Variants in ADGRB3 observed in about 807,000 individuals in gnomAD.
The protein encoded by ADGRB3 is adhesion G protein-coupled receptor B3.
Under a neutral mutation model 193.4 loss-of-function variants are expected in ADGRB3, and 37 were observed. The observed-to-expected ratio is 0.19, with a 90% CI of 0.15 to 0.25. The LOEUF (loss-of-function observed/expected upper bound fraction) is 0.25, where lower values mean the gene tolerates loss of function less well. ADGRB3 is among the 10% of genes least tolerant of loss of function. ADGRB3 has a pLI of 1.00. For synonymous variants in ADGRB3, 690 were observed against 644.2 expected (o/e 1.07, Z -1.08); for missense variants, 1,637 against 1,852.9 (o/e 0.88, Z 2.14).
At chr6:68,772,886 AAAAAAAAAATATATAT>A (rs1191804387) in intron 3 of ADGRB3, among the ~76,000 whole-genome samples, 1 of 41,524 alleles carries the variant, frequency 2.4e-5, no homozygotes, top group Non-Finnish European at 4.8e-5. Flanking sequence ...AACAAACAAA[AAAAAAAAAATATATAT>A]ATATATATAT....
intron 3 of ADGRB3, among the ~76,000 whole-genome samples, chr6:68,895,560 T>C (rs2150230749): frequency 6.6e-6 from 1 of 152,152 alleles, no homozygotes; most frequent in African/African-American, 2.4e-5. Flanking sequence ...AAATATTTCA[T>C]ATCTTGAAAC....
At chr6:68,750,146 G>A (rs1766167605) in intron 3 of ADGRB3, among the ~76,000 whole-genome samples, 1 of 152,146 alleles carries the variant, frequency 6.6e-6, no homozygotes, top group South Asian at 2.1e-4. Context: ...ATATTTTGTA[G>A]TAGGAATAAA....
chr6:69,194,427 A>G lies in ADGRB3; in HGVS notation c.2481-38863A>G, dbSNP rs149364747. Among the ~76,000 whole-genome samples the G allele has an allele frequency of 2.9e-4, 44 of 152,278 alleles. No individual in the cohort carries two copies. In the East Asian group the frequency reaches 3.3e-3, roughly 11 times the overall value. On this transcript the variant is annotated intron_variant, in intron 17 of 31. Transcript: ENST00000370598. ...TTAGATGCTCTTCAGATTTTCCAGA[A>G]AATCAGCAGAATTTCTTAATACTTC...
intron 3 of ADGRB3, among the ~76,000 whole-genome samples, chr6:68,761,256 A>G (rs1355918251): frequency 6.6e-6 from 1 of 152,230 alleles, no homozygotes; most frequent in Non-Finnish European, 1.5e-5. Context: ...AATAGATAGT[A>G]TGTAGACAGT....
chr6:69,275,705 AC>A (rs945560361), intron 20 of ADGRB3, among the ~76,000 whole-genome samples: 16 of 152,106 alleles, frequency 1.1e-4, no homozygotes, highest in South Asian at 4.1e-4. Flanking sequence ...TAAAAAAAAA[AC>A]ATTATATATC....
chr6:69,360,031 C>T (rs534721478), intron 28 of ADGRB3, among the ~76,000 whole-genome samples: 1 of 151,620 alleles, frequency 6.6e-6, no homozygotes, highest in Admixed American at 6.6e-5. Flanking sequence ...ATTATTTACT[C>T]TTTTGTTGAT....
intron 3 of ADGRB3, among the ~76,000 whole-genome samples, chr6:68,867,715 G>A (rs1765335654): frequency 6.6e-6 from 1 of 152,218 alleles, no homozygotes; most frequent in African/African-American, 2.4e-5. Context: ...CCAAGGCTTT[G>A]GGAGGCCAAT....
rs565284740 is a variant in ADGRB3, at chr6:69,334,612, G to T, written c.3188+1604G>T. Among the ~76,000 whole-genome samples, 13 of 152,198 alleles carry T rather than the reference G, an allele frequency of 8.5e-5. No homozygotes were observed. In the South Asian group the frequency reaches 2.3e-3, roughly 27 times the overall value. On this transcript the variant is annotated intron_variant, in intron 24 of 31. Coordinates refer to ENST00000370598, the MANE Select transcript of ADGRB3 (RefSeq NM_001704.3). ...ACAAAATTTTCACACAATTACTCTT[G>T]TTATTACGCCACATGTGGTGGAAAT... is the stretch of plus-strand genomic sequence containing the variant.
intron 3 of ADGRB3, among the ~76,000 whole-genome samples, chr6:68,814,097 G>A (rs1211372848): frequency 6.6e-6 from 1 of 152,084 alleles, no homozygotes; most frequent in Non-Finnish European, 1.5e-5. Flanking sequence ...GGGTCAAATG[G>A]TATTTCTACT....
chr6:68,974,923 AGT>A, intron 9 of ADGRB3, 59 bp downstream of exon 9: 2 of 1,420,790 alleles, frequency 1.4e-6, no homozygotes, highest in Admixed American at 1.8e-5. Flanking sequence ...AACAGCATGC[AGT>A]GTTGGTTTAT....
At chr6:68,986,105 A>G (rs138661547) in intron 10 of ADGRB3, among the ~76,000 whole-genome samples, 1 of 152,284 alleles carries the variant, frequency 6.6e-6, no homozygotes, top group East Asian at 1.9e-4. Context: ...CCTTGTTTAT[A>G]TTGGATAGGC....
chr6:68,823,198 T>C (rs1767779113), intron 3 of ADGRB3, among the ~76,000 whole-genome samples: 1 of 151,930 alleles, frequency 6.6e-6, no homozygotes, highest in Non-Finnish European at 1.5e-5. Flanking sequence ...ATTTAAAAAA[T>C]TGGGCATAGG....
intron 17 of ADGRB3, among the ~76,000 whole-genome samples, chr6:69,165,390 CCCGCGGCAG>C (rs1346231668): frequency 6.6e-6 from 1 of 151,968 alleles, no homozygotes. Context: ...ACTATCTTCT[CCCGCGGCAG>C]CCATCCCCCC....
At chr6:68,861,272 C>T (rs1406515534) in intron 3 of ADGRB3, among the ~76,000 whole-genome samples, 3 of 152,298 alleles carry the variant, frequency 2.0e-5, no homozygotes, top group Middle Eastern at 3.4e-3. Context: ...TATTTACCAT[C>T]TGTCTAATTA....
chr6:68,697,556 C>G (rs1266179821), intron 3 of ADGRB3, among the ~76,000 whole-genome samples: 1 of 151,906 alleles, frequency 6.6e-6, no homozygotes, highest in African/African-American at 2.4e-5. Flanking sequence ...TAATTTCAAT[C>G]AGTCTAATGG....
intron 3 of ADGRB3, among the ~76,000 whole-genome samples, chr6:68,879,635 T>C (rs1765683573): frequency 6.6e-6 from 1 of 152,180 alleles, no homozygotes; most frequent in Non-Finnish European, 1.5e-5. Context: ...AGCATGTGTG[T>C]GTGCATCTTT....
intron 3 of ADGRB3, among the ~76,000 whole-genome samples, chr6:68,680,499 T>C (rs1415564897): frequency 1.3e-5 from 2 of 152,162 alleles, no homozygotes; most frequent in African/African-American, 4.8e-5. Flanking sequence ...TTTTGGACTC[T>C]TCATCTATTT....
intron 3 of ADGRB3, among the ~76,000 whole-genome samples, chr6:68,919,359 A>T (rs1437196350): frequency 6.6e-6 from 1 of 152,210 alleles, no homozygotes; most frequent in Non-Finnish European, 1.5e-5. Flanking sequence ...AGCAAGGAGT[A>T]GGGTCTCCTA....
At chr6:68,763,690 T>C (rs895284725) in intron 3 of ADGRB3, among the ~76,000 whole-genome samples, 1 of 152,218 alleles carries the variant, frequency 6.6e-6, no homozygotes, top group African/African-American at 2.4e-5. Context: ...TTAAGGATAA[T>C]CACACTTTAT....
Sources: allele counts gnomAD v4.1 joint callset (sites outside exome capture counted in the v4.1 genomes callset), GRCh38; gene constraint gnomAD v4.1.1; transcripts MANE v1.5; gene names NCBI Gene and HGNC (gene_info 2026-07-23, HGNC 2026-07-21).